Variants in EPB41L4A observed in about 807,000 individuals in gnomAD.
EPB41L4A encodes erythrocyte membrane protein band 4.1 like 4A.
Under a neutral mutation model 108.6 loss-of-function variants are expected in EPB41L4A, and 100 were observed. The ratio of observed to expected loss-of-function variants is 0.92; its 90% CI spans 0.78 to 1.09. The LOEUF (loss-of-function observed/expected upper bound fraction) is 1.09. Among genes scored for constraint, EPB41L4A ranks in the 50% least tolerant of loss-of-function variants. The pLI is 0.00. For synonymous variants in EPB41L4A, 319 were observed against 289.0 expected (o/e 1.10, Z -1.05); for missense variants, 1,030 against 842.7 (o/e 1.22, Z -2.75).
At chr5:112,330,448 T>C (rs1580699543) in intron 1 of EPB41L4A, among the ~76,000 whole-genome samples, 1 of 152,304 alleles carries the variant, frequency 6.6e-6, no homozygotes. Flanking sequence ...TAAGGGTTGA[T>C]GTACCTCTCG....
At chr5:112,142,411 G>C (rs1759101826), downstream of EPB41L4A, 2 of 152,214 alleles carry the variant, frequency 1.3e-5, no homozygotes, top group Admixed American at 1.3e-4. Context: ...AATAGCATCT[G>C]GTAATTCAAA....
intron 1 of EPB41L4A, among the ~76,000 whole-genome samples, chr5:112,370,451 T>C (rs946529478): frequency 6.6e-6 from 1 of 152,212 alleles, no homozygotes. Context: ...ATTTTAAGCA[T>C]ATGATGGTAA....
intron 2 of EPB41L4A, among the ~76,000 whole-genome samples, chr5:112,305,383 G>C (rs1403225551): frequency 1.3e-5 from 2 of 152,098 alleles, no homozygotes; most frequent in Non-Finnish European, 2.9e-5. Flanking sequence ...TCTGCTATGT[G>C]AGGTCCCGAA....
At chr5:112,407,076 C>CA (rs1031226288) in intron 1 of EPB41L4A, among the ~76,000 whole-genome samples, 5 of 151,888 alleles carry the variant, frequency 3.3e-5, no homozygotes, top group African/African-American at 1.2e-4. Context: ...AACTACTGGG[C>CA]AAAAGCATGA....
chr5:112,231,847 C>T (rs1748975633), intron 12 of EPB41L4A, among the ~76,000 whole-genome samples: 1 of 149,956 alleles, frequency 6.7e-6, no homozygotes, highest in South Asian at 2.1e-4. Flanking sequence ...GTGGCTCACA[C>T]CTGTAATCCT....
intron 4 of EPB41L4A, among the ~76,000 whole-genome samples, chr5:112,270,525 A>T (rs1752188500): frequency 6.6e-6 from 1 of 152,244 alleles, no homozygotes. Context: ...AGAAAATCAT[A>T]ACTCTTTAAC....
At chr5:112,144,584 G>A (rs1664551847) in intron 13 of EPB41L4A, among the ~76,000 whole-genome samples, 1 of 152,276 alleles carries the variant, frequency 6.6e-6, no homozygotes, top group South Asian at 2.1e-4. Context: ...GTCTTGGTTG[G>A]ATACAGAGAT....
chr5:112,222,055 T>G (rs1035220170), intron 12 of EPB41L4A, among the ~76,000 whole-genome samples: 1 of 152,212 alleles, frequency 6.6e-6, no homozygotes, highest in Non-Finnish European at 1.5e-5. Context: ...TAACAGTTAC[T>G]GCCTTTCCCC....
intron 12 of EPB41L4A, among the ~76,000 whole-genome samples, chr5:112,211,549 C>G (rs1762743411): frequency 6.6e-6 from 1 of 150,432 alleles, no homozygotes. Flanking sequence ...GATTGCGCCA[C>G]TACACTCCAG....
intron 2 of EPB41L4A, among the ~76,000 whole-genome samples, chr5:112,289,676 T>C (rs768197588): frequency 5.3e-5 from 8 of 152,172 alleles, no homozygotes; most frequent in Non-Finnish European, 7.3e-5. Flanking sequence ...CCATCCCCAG[T>C]TGAAGCCCCA....
chr5:112,243,292 T>TATATATC (rs1561504555), intron 9 of EPB41L4A, among the ~76,000 whole-genome samples: 2 of 147,344 alleles, frequency 1.4e-5, no homozygotes, highest in African/African-American at 2.5e-5. Context: ...TATATATATA[T>TATATATC]TTTGTTTGTT....
At position 112,379,562 on chromosome 5, in the gene EPB41L4A, C is replaced by T. The variant is rs115747183; in HGVS notation, c.99+39379G>A. 4.6e-3 allele frequency among the ~76,000 whole-genome samples: 701 copies of T among 152,226 alleles called. 4 individuals carry two copies. Among genetic ancestry groups the T allele is most frequent in the African/African-American group, 0.016 (671 of 41,528 alleles). On this transcript the variant is annotated intron_variant, in intron 1 of 22. Coordinates refer to ENST00000261486, the MANE Select transcript of EPB41L4A (RefSeq NM_022140.5). ...GCACTCTGATCATCCTGGAGTTTGG[C>T]CATAAGGGAGAAAACACTAAAATGC...
rs1262128079 is a variant in EPB41L4A at position 112,264,970 on chromosome 5, T to C, written c.480A>G (p.Val160=). ...YDPYKHTAGY[V]SEYRFVPDQK... is the part of the protein sequence containing the mutation. Reference sequence around the variant, plus strand: ...GATCAGGAACAAACCGGTACTCAGATACATATCCTGCAGTATGTTTATATG... The same window carrying C: ...GATCAGGAACAAACCGGTACTCAGACACATATCCTGCAGTATGTTTATATG... Residue 160 remains valine, a synonymous_variant, in exon 6 of 23, where the codon GTA becomes GTG. Coordinates refer to ENST00000261486, the MANE Select transcript of EPB41L4A (RefSeq NM_022140.5). 11 of 1,611,830 alleles carry C rather than the reference T, an allele frequency of 6.8e-6. No individual in the cohort carries two copies. Among genetic ancestry groups the C allele is most frequent in the Non-Finnish European group, 9.3e-6 (11 of 1,178,982 alleles).
At chr5:112,334,493 T>C (rs1335228502) in intron 1 of EPB41L4A, among the ~76,000 whole-genome samples, 7 of 152,108 alleles carry the variant, frequency 4.6e-5, no homozygotes, top group African/African-American at 9.7e-5. Flanking sequence ...CAAACCTTAG[T>C]CTCCACAACC....
At chr5:112,182,333 G>A (rs994641954) in intron 18 of EPB41L4A, among the ~76,000 whole-genome samples, 12 of 151,944 alleles carry the variant, frequency 7.9e-5, no homozygotes, top group African/African-American at 2.2e-4. Context: ...TAAATTCCCA[G>A]GCCCACTACA....
chr5:112,357,172 C>G (rs569410071), intron 1 of EPB41L4A, among the ~76,000 whole-genome samples: 9 of 152,290 alleles, frequency 5.9e-5, no homozygotes, highest in South Asian at 4.1e-4. Flanking sequence ...CTCTGAGGTT[C>G]TGAAATAAAA....
chr5:112,320,524 GGATTGGC>G (rs1755706597), intron 1 of EPB41L4A, among the ~76,000 whole-genome samples: 2 of 152,114 alleles, frequency 1.3e-5, no homozygotes, highest in Non-Finnish European at 2.9e-5. Flanking sequence ...GTGGGGCAGG[GGATTGGC>G]TTATGTCCTC....
At chr5:112,203,686 T>C (rs1172901371) in intron 15 of EPB41L4A, among the ~76,000 whole-genome samples, 1 of 152,240 alleles carries the variant, frequency 6.6e-6, no homozygotes, top group Non-Finnish European at 1.5e-5. Flanking sequence ...CTAAAAAGGC[T>C]TATCTTTAAG....
chr5:112,141,910 G>GA (rs1478034748), downstream of EPB41L4A, among the ~76,000 whole-genome samples: 1 of 152,096 alleles, frequency 6.6e-6, no homozygotes, highest in African/African-American at 2.4e-5. Context: ...AGCTGCCTAG[G>GA]TGACCACCCT....
Sources: allele counts gnomAD v4.1 joint callset (sites outside exome capture counted in the v4.1 genomes callset), GRCh38; gene constraint gnomAD v4.1.1; transcripts MANE v1.5; gene names NCBI Gene and HGNC (gene_info 2026-07-23, HGNC 2026-07-21).